APBB1: variants seen among roughly 807,000 people sequenced by gnomAD.
APBB1 encodes the protein adaptor protein FE65a2.
APBB1 carries 22 observed loss-of-function variants against 78.4 expected under a neutral mutation model. That is an observed-to-expected ratio of 0.28 (90% CI 0.20 to 0.40). The LOEUF (loss-of-function observed/expected upper bound fraction) is 0.40, where lower values mean the gene tolerates loss of function less well. APBB1 is among the 10% of genes least tolerant of loss of function. The pLI is 1.00. For missense variants in APBB1, 749 were observed against 932.4 expected (o/e 0.80, Z 2.56); for synonymous variants, 369 against 372.7 (o/e 0.99, Z 0.12).
At chr11:6,409,256 A>G (rs1848898147) in intron 2 of APBB1, among the ~76,000 whole-genome samples, 1 of 151,442 alleles carries the variant, frequency 6.6e-6, no homozygotes, top group Non-Finnish European at 1.5e-5. Flanking sequence ...TGTCTTTTTT[A>G]TAGAGGAGAG....
intron 12 of APBB1, among the ~76,000 whole-genome samples, chr11:6,398,044 G>C (rs1176246194): frequency 1.3e-5 from 2 of 152,228 alleles, no homozygotes; most frequent in African/African-American, 4.8e-5. Context: ...AGATGGGGCT[G>C]TGGGAGATGG....
At chr11:6,398,753 C>G (rs1848356333) in intron 12 of APBB1, among the ~76,000 whole-genome samples, 2 of 152,358 alleles carry the variant, frequency 1.3e-5, no homozygotes, top group South Asian at 4.1e-4. Flanking sequence ...CTCCACTCTG[C>G]AAATCCAAAC....
chr11:6,397,920 G>C (rs576400655), intron 12 of APBB1, among the ~76,000 whole-genome samples: 1 of 152,366 alleles, frequency 6.6e-6, no homozygotes, highest in East Asian at 1.9e-4. Flanking sequence ...TCAGATTGCA[G>C]AGTGCTTCAA....
At position 6,395,744 on chromosome 11, in the gene APBB1, A is replaced by G. The variant is rs747237505; in HGVS notation, c.1965+42T>C. On this transcript the variant is annotated intron_variant, in intron 14 of 14. Coordinates refer to ENST00000609360, the MANE Select transcript of APBB1 (RefSeq NM_001164.5). This position sits in a 1 kb window ranked among gnomAD's most constrained non-coding sequence, Gnocchi z 5.2. ...GCAGTCACTCCCCAGCCTACCTCCCATGGGGCCACGCCACCACCACACCAC... is the reference window on the plus strand; with the variant it reads ...GCAGTCACTCCCCAGCCTACCTCCCGTGGGGCCACGCCACCACCACACCAC... 3.1e-6 allele frequency: 5 copies of G among 1,605,000 alleles called. No individual in the cohort carries two copies. The highest frequency in any genetic ancestry group is 1.7e-4 in the Middle Eastern group (1 of 6,014).
chr11:6,408,507 CTTT>C (rs564293712), intron 2 of APBB1, among the ~76,000 whole-genome samples: 1 of 142,262 alleles, frequency 7.0e-6, no homozygotes. Context: ...TTTTTTCCTT[CTTT>C]TTTTTTTTTT....
chr11:6,417,153 T>A (rs1410375161), intron 1 of APBB1, among the ~76,000 whole-genome samples: 1 of 152,234 alleles, frequency 6.6e-6, no homozygotes, highest in African/African-American at 2.4e-5. Flanking sequence ...TCAGTAGCCT[T>A]CTTCTGATTC....
At position 6,401,999 on chromosome 11, in the gene APBB1, A is replaced by G. The variant is rs368534598; in HGVS notation, c.1383-17T>C. ...TACCTCTCTCTGGGTCCAGCAGCAC[A>G]AGAGAGGCAAATAACAGAGTTAGAG... On this transcript the variant is annotated splice_polypyrimidine_tract_variant and intron_variant, in intron 8 of 14. Coordinates refer to ENST00000609360, the MANE Select transcript of APBB1 (RefSeq NM_001164.5). The surrounding 1 kb of genome is among the most constrained non-coding windows in gnomAD (Gnocchi z 4.5). The G allele has an allele frequency of 1.7e-5, 27 of 1,584,642 alleles. No individual in the cohort carries two copies. Among genetic ancestry groups the G allele is most frequent in the Non-Finnish European group, 2.3e-5 (27 of 1,163,276 alleles).
chr11:6,396,534 C>A, intron 12 of APBB1: 1 of 328,330 alleles, frequency 3.0e-6, no homozygotes, highest in Non-Finnish European at 5.7e-6. Flanking sequence ...TCTCTCAGCG[C>A]TCATCACACT....
At chr11:6,413,303 T>C (rs1469519243) in intron 1 of APBB1, among the ~76,000 whole-genome samples, 1 of 152,150 alleles carries the variant, frequency 6.6e-6, no homozygotes, top group African/African-American at 2.4e-5. Flanking sequence ...TCACTGACCA[T>C]CCCAACAAAC....
chr11:6,402,925 C>G (rs1285221685), intron 6 of APBB1, 200 bp from the exon 7 acceptor site: 1 of 805,082 alleles, frequency 1.2e-6, no homozygotes, highest in Non-Finnish European at 1.9e-6. Context: ...AAAAAAGCAC[C>G]TGAACTAAGA....
In APBB1 at chr11:6,403,142, A is replaced by C; in HGVS notation, c.1104+3T>G. 6.2e-7 allele frequency: 1 copy of C among 1,610,140 alleles called. No homozygotes were observed. The highest frequency in any genetic ancestry group is 1.1e-5 in the South Asian group (1 of 90,224). The stretch of plus-strand genomic sequence containing the variant: ...TCAGAATGGGTGTCAGTCTTGAACA[A>C]ACCTTGATCCCTGGGTTGGTATTCC... On this transcript the variant is annotated splice_donor_region_variant and intron_variant, in intron 6 of 14. Transcript: ENST00000609360. The surrounding 1 kb of genome is among the most constrained non-coding windows in gnomAD (Gnocchi z 5.3).
chr11:6,405,796 A>G, intron 2 of APBB1: 1 of 535,780 alleles, frequency 1.9e-6, no homozygotes, highest in Non-Finnish European at 2.4e-6. Flanking sequence ...AGGCACCTGA[A>G]ACTTAGCTGA....
chr11:6,403,223 T>C lies in APBB1; in HGVS notation c.1041-15A>G. 3 of 1,612,530 alleles carry C rather than the reference T, an allele frequency of 1.9e-6. No homozygotes were observed. Among genetic ancestry groups the C allele is most frequent in the Non-Finnish European group, 2.5e-6 (3 of 1,179,324 alleles). ...ACGGCTCTGGGCTGAAGGCAGATGG[T>C]AATACTTGGCACAGGGCTCCCATAA... is the stretch of plus-strand genomic sequence containing the variant. On this transcript the variant is annotated splice_polypyrimidine_tract_variant and intron_variant, in intron 5 of 14. Coordinates refer to ENST00000609360, the MANE Select transcript of APBB1 (RefSeq NM_001164.5). The surrounding 1 kb of genome is among the most constrained non-coding windows in gnomAD (Gnocchi z 5.3).
rs1167967849 is a variant in APBB1 at position 6,401,244 on chromosome 11, T to C, written c.1588+101A>G. On this transcript the variant is annotated intron_variant, in intron 11 of 14. Transcript: ENST00000609360. This position sits in a 1 kb window ranked among gnomAD's most constrained non-coding sequence, Gnocchi z 4.5. ...ATTGGAGTATTCAGTCTTCATGTGTTCATTTTTCTATCAGCGCTGTCCAGG... is the reference window on the plus strand; with the variant it reads ...ATTGGAGTATTCAGTCTTCATGTGTCCATTTTTCTATCAGCGCTGTCCAGG... The C allele has an allele frequency of 1.9e-6, 3 of 1,611,114 alleles. No homozygotes were observed. The highest frequency in any genetic ancestry group is 1.1e-5 in the South Asian group (1 of 90,676).
In APBB1 at chr11:6,402,111, G is replaced by A. The variant is rs146656518; in HGVS notation, c.1353C>T (p.Arg451=). The A allele has an allele frequency of 2.6e-3, 4,204 of 1,614,094 alleles. 8 individuals are homozygous for A. Among genetic ancestry groups the A allele is most frequent in the Non-Finnish European group, 3.4e-3 (4,001 of 1,179,994 alleles). Residue 451 remains arginine (R), a synonymous_variant, in exon 8 of 15, where the codon CGC becomes CGT. Coordinates refer to ENST00000609360, the MANE Select transcript of APBB1 (RefSeq NM_001164.5). ...CACTGTCCCGCCCGACGCCCCACACGCGGATGCTGATGATGGGTTGGGCGT... is the reference window on the plus strand; with the variant it reads ...CACTGTCCCGCCCGACGCCCCACACACGGATGCTGATGATGGGTTGGGCGT... The part of the protein sequence containing the change: ...LLHAQPIISI[R]VWGVGRDSGR...
rs746886685 is a variant in APBB1, at chr11:6,402,213, C to G, written c.1255-4G>C. On this transcript the variant is annotated splice_region_variant and splice_polypyrimidine_tract_variant and intron_variant, in intron 7 of 14. Transcript: ENST00000609360. ...GCTGCAGTAGCAGATCCTTTCCCTG[C>G]AGGACCAGAAGCAGGCACTCAGTGG... 2.5e-6 allele frequency: 4 copies of G among 1,613,238 alleles called. No homozygotes were observed. The South Asian group carries it at 4.4e-5, about 18-fold the overall frequency.
rs201336639 is a variant in APBB1 at position 6,396,004 on chromosome 11, C to T, written c.1789-42G>A. ...CAGTTAAAAAGGAACACCAACCCCA[C>T]ACTGTGTTCCACATCCATCTTAGCA... On this transcript the variant is annotated intron_variant, in intron 13 of 14. Coordinates refer to ENST00000609360, the MANE Select transcript of APBB1 (RefSeq NM_001164.5). 11 of 1,604,656 alleles carry T rather than the reference C, an allele frequency of 6.9e-6. No individual in the cohort carries two copies. The South Asian group carries it at 1.1e-4, about 16-fold the overall frequency.
rs990478695 is a variant in APBB1 at position 6,411,770 on chromosome 11, C to T, written c.-14-409G>A. Reference sequence around the variant, plus strand: ...TGTTTTGGACACTGATCACTGACTGCCCCTCTCCGGCCGCACTTCCATCCC... The same window carrying T: ...TGTTTTGGACACTGATCACTGACTGTCCCTCTCCGGCCGCACTTCCATCCC... On this transcript the variant is annotated intron_variant, in intron 1 of 14. Coordinates refer to ENST00000609360, the MANE Select transcript of APBB1 (RefSeq NM_001164.5). This position sits in a 1 kb window ranked among gnomAD's most constrained non-coding sequence, Gnocchi z 5.2. Among the ~76,000 whole-genome samples, 2 of 152,174 alleles carry T rather than the reference C, an allele frequency of 1.3e-5. No individual in the cohort carries two copies. The highest frequency in any genetic ancestry group is 2.9e-5 in the Non-Finnish European group (2 of 68,016).
At position 6,395,998 on chromosome 11, in the gene APBB1, A is replaced by G. The variant is rs111565461; in HGVS notation, c.1789-36T>C. 216 of 1,606,854 alleles carry G rather than the reference A, an allele frequency of 1.3e-4. No individual in the cohort carries two copies. The highest frequency in any genetic ancestry group is 6.4e-4 in the African/African-American group (48 of 74,728). On this transcript the variant is annotated intron_variant, in intron 13 of 14. Transcript: ENST00000609360. This position sits in a 1 kb window ranked among gnomAD's most constrained non-coding sequence, Gnocchi z 5.2. ...GGAACTCAGTTAAAAAGGAACACCA[A>G]CCCCACACTGTGTTCCACATCCATC...
Sources: gnomAD v4.1 joint callset for allele counts (sites outside exome capture counted in the v4.1 genomes callset) on GRCh38, gnomAD v4.1.1 for gene constraint, Gnocchi (gnomAD v3.1) non-coding constraint, MANE v1.5 for transcripts, NCBI Gene and HGNC (gene_info 2026-07-23, HGNC 2026-07-21) for gene names.